Variants in CKMT2 observed in about 807,000 individuals in gnomAD.
CKMT2 encodes the protein creatine kinase S-type, mitochondrial.
CKMT2 carries 43 observed loss-of-function variants against 48.9 expected under a neutral mutation model. The observed-to-expected ratio is 0.88, with a 90% confidence interval of 0.69 to 1.13. The LOEUF (loss-of-function observed/expected upper bound fraction) is 1.13, where lower values mean the gene tolerates loss of function less well. Among genes scored for constraint, CKMT2 ranks in the 50% most tolerant of loss-of-function variants. The pLI, the probability that CKMT2 is intolerant of heterozygous loss-of-function variation, is 0.00. For missense variants in CKMT2, 472 were observed against 555.4 expected (o/e 0.85, Z 1.51); for synonymous variants, 206 against 213.0 (o/e 0.97, Z 0.29).
chr5:81,254,395 G>C lies in CKMT2; in HGVS notation c.352-1G>C, dbSNP rs1756924245. The C allele has an allele frequency of 1.9e-6, 3 of 1,613,728 alleles. No individual in the cohort carries two copies. Among genetic ancestry groups the C allele is most frequent in the Admixed American group, 1.7e-5 (1 of 60,026 alleles). ...GGAAACACCCATCTTCCCTCCTGCA[G>C]GTGTTTGCTGACCTTTTTGACCCCG... On this transcript the variant is annotated splice_acceptor_variant, in intron 3 of 9. Transcript: ENST00000254035. LOFTEE classifies it high-confidence loss of function.
intron 9 of CKMT2, 26 bp from the exon 10 acceptor site, chr5:81,266,113 A>C: frequency 1.2e-6 from 2 of 1,608,096 alleles, no homozygotes; most frequent in Non-Finnish European, 1.7e-6. Context: ...ATTCAAATTA[A>C]TCATTCATCT....
rs775339342 is a variant in CKMT2, at chr5:81,255,234, C to A, written c.669+20C>A. On this transcript the variant is annotated intron_variant, in intron 5 of 9. Transcript: ENST00000254035. The stretch of plus-strand genomic sequence containing the variant: ...ATCGATGTGAGTAGCAGATGGGGCT[C>A]CCTGGGGAAGGACTGGACCAAGGGC... 4 of 1,608,338 alleles carry A rather than the reference C, an allele frequency of 2.5e-6. No individual in the cohort carries two copies. The East Asian group carries it at 6.7e-5, about 27-fold the overall frequency.
At position 81,266,301 on chromosome 5, in the gene CKMT2, G is replaced by A. The variant is rs545; in HGVS notation, c.*43G>A. 0.29 allele frequency: 457,928 copies of A among 1,592,934 alleles called. 68,427 individuals are homozygous for A. The highest frequency in any genetic ancestry group is 0.42 in the Admixed American group (25,307 of 59,552). On this transcript the variant is annotated 3_prime_UTR_variant, in exon 10 of 10. Transcript: ENST00000254035. The stretch of plus-strand genomic sequence containing the variant: ...TTATAAATAATCTGTCTGCTGGTAC[G>A]ACAGACATAAATCTCTACTCTGAGA...
chr5:81,255,454 A>G (rs1756972428), intron 5 of CKMT2, among the ~76,000 whole-genome samples: 1 of 152,222 alleles, frequency 6.6e-6, no homozygotes, highest in African/African-American at 2.4e-5. Flanking sequence ...GGAAACTCCA[A>G]TATGGAGATG....
chr5:81,246,063 C>G (rs1309716905), intron 1 of CKMT2, among the ~76,000 whole-genome samples: 1 of 152,010 alleles, frequency 6.6e-6, no homozygotes, highest in African/African-American at 2.4e-5. Context: ...TTATCTCTCA[C>G]CTGGACAATG....
At chr5:81,242,033 G>T (rs1314912483) in intron 1 of CKMT2, among the ~76,000 whole-genome samples, 1 of 151,858 alleles carries the variant, frequency 6.6e-6, no homozygotes, top group African/African-American at 2.4e-5. Context: ...TCTGTTATCT[G>T]TGGGGTAGTC....
intron 3 of CKMT2, 89 bp downstream of exon 3, chr5:81,252,982 GGGGCCAA>G (rs1756875539): frequency 7.1e-7 from 1 of 1,412,722 alleles, no homozygotes; most frequent in Admixed American, 1.7e-5. Context: ...TCTTCTCTAT[GGGGCCAA>G]CTTTCTGCCT....
Position 81,233,333 on chromosome 5 carries a change from T to C in CKMT2, c.-65T>C. The C allele has an allele frequency of 3.0e-6, 3 of 985,752 alleles. No homozygotes were observed. The South Asian group carries it at 1.4e-4, about 46-fold the overall frequency. The allele number at this position is 985,752 out of a possible 1,614,324, so 61.1% of individuals were successfully genotyped here. A position where few individuals can be genotyped will look rare whatever the true frequency, so the allele number is the denominator to read the frequency against. ...GACCAGCTCGCCCTGCATACACTTC[T>C]TGGCTGTGTGCGCTCAGCAGGACGT... On this transcript the variant is annotated 5_prime_UTR_variant, in exon 1 of 10. Coordinates refer to ENST00000254035, the MANE Select transcript of CKMT2 (RefSeq NM_001099735.2).
chr5:81,250,417 G>A (rs1307796655), intron 1 of CKMT2, among the ~76,000 whole-genome samples: 1 of 152,178 alleles, frequency 6.6e-6, no homozygotes, highest in South Asian at 2.1e-4. Context: ...TTCTTCTGTT[G>A]ACTCTCATTC....
intron 1 of CKMT2, among the ~76,000 whole-genome samples, chr5:81,240,431 G>A (rs1022754517): frequency 6.6e-6 from 1 of 152,332 alleles, no homozygotes; most frequent in East Asian, 1.9e-4. Context: ...GGGGGCACAC[G>A]GCATCCACAG....
intron 1 of CKMT2, among the ~76,000 whole-genome samples, chr5:81,243,504 TATATA>T (rs1237134577): frequency 6.6e-6 from 1 of 152,136 alleles, no homozygotes; most frequent in African/African-American, 2.4e-5. Flanking sequence ...TCATATACAG[TATATA>T]ATATTAGAAT....
chr5:81,258,053 C>A (rs1346398368), intron 7 of CKMT2, 197 bp downstream of exon 7: 4 of 438,078 alleles, frequency 9.1e-6, no homozygotes, highest in African/African-American at 4.0e-5. Flanking sequence ...GTGCCACCAC[C>A]ACACCTGGCT....
chr5:81,233,457 G>C (rs748491969), intron 1 of CKMT2, 80 bp downstream of exon 1: 26 of 935,624 alleles, frequency 2.8e-5, no homozygotes, highest in Non-Finnish European at 3.1e-5. Context: ...CCTTGGAGGA[G>C]TGGATGCCGG....
intron 3 of CKMT2, among the ~76,000 whole-genome samples, chr5:81,253,434 C>T (rs778291034): frequency 2.0e-5 from 3 of 152,216 alleles, no homozygotes; most frequent in African/African-American, 4.8e-5. Context: ...CATCCTCATC[C>T]TCAATGCAGA....
chr5:81,259,169 G>A lies in CKMT2; in HGVS notation c.929G>A (p.Arg310His), dbSNP rs570756609. The A allele has an allele frequency of 7.4e-6, 12 of 1,613,978 alleles. No individual in the cohort carries two copies. The highest frequency in any genetic ancestry group is 5.0e-5 in the Admixed American group (3 of 60,018). The change falls in exon 8 of 10, where the codon CGC becomes CAC. Residue 310 changes from arginine (R) to histidine (H), a missense_variant. Transcript: ENST00000254035. ...ERGWEFMWNE[R>H]LGYILTCPSN... The stretch of plus-strand genomic sequence containing the variant: ...GGCTGGGAGTTCATGTGGAATGAGC[G>A]CCTAGGATACATTTTGACCTGTCCT...
intron 3 of CKMT2, among the ~76,000 whole-genome samples, chr5:81,253,264 T>C (rs1398645908): frequency 6.6e-6 from 1 of 151,998 alleles, no homozygotes; most frequent in South Asian, 2.1e-4. Context: ...CTTTATTGGG[T>C]GGGGGTCGGG....
At chr5:81,259,509 A>C (rs1044244347) in intron 8 of CKMT2, 5 of 308,216 alleles carry the variant, frequency 1.6e-5, no homozygotes, top group Non-Finnish European at 3.0e-5. Context: ...AAATCAGGAT[A>C]GGTAGGCTCT....
chr5:81,261,871 C>T (rs1447703394), intron 8 of CKMT2, among the ~76,000 whole-genome samples: 6 of 152,112 alleles, frequency 3.9e-5, no homozygotes, highest in African/African-American at 9.7e-5. Context: ...CAAAAAGGAG[C>T]GCATATAGCC....
At chr5:81,237,861 T>A (rs1449474833) in intron 1 of CKMT2, 2 of 152,168 alleles carry the variant, frequency 1.3e-5, no homozygotes, top group Non-Finnish European at 2.9e-5. Flanking sequence ...GGCCTCCAGG[T>A]AAGTGGAGGC....
Sources: allele counts gnomAD v4.1 joint callset (sites outside exome capture counted in the v4.1 genomes callset), GRCh38; gene constraint gnomAD v4.1.1; transcripts MANE v1.5; gene names NCBI Gene and HGNC (gene_info 2026-07-23, HGNC 2026-07-21).